Variants in IQGAP1 observed in about 807,000 individuals in gnomAD.
The protein encoded by IQGAP1 is ras GTPase-activating-like protein IQGAP1.
In IQGAP1, 66 loss-of-function variants were observed where a neutral mutation model predicts 215.6. The observed-to-expected ratio is 0.31, with a 90% CI of 0.25 to 0.38. The LOEUF (loss-of-function observed/expected upper bound fraction) is 0.38, where lower values mean the gene tolerates loss of function less well. Among genes scored for constraint, IQGAP1 ranks in the 10% least tolerant of loss-of-function variants. The pLI, the probability that IQGAP1 is intolerant of heterozygous loss-of-function variation, is 1.00. For synonymous variants in IQGAP1, 772 were observed against 728.7 expected (o/e 1.06, Z -0.96); for missense variants, 1,712 against 1,997.1 (o/e 0.86, Z 2.72).
intron 33 of IQGAP1, among the ~76,000 whole-genome samples, chr15:90,490,155 A>C (rs1966183300): frequency 6.6e-6 from 1 of 152,246 alleles, no homozygotes; most frequent in South Asian, 2.1e-4. Flanking sequence ...TCCCAGTACA[A>C]ACAGCTCAGA....
At chr15:90,412,602 C>G (rs1271374206) in intron 2 of IQGAP1, among the ~76,000 whole-genome samples, 1 of 152,116 alleles carries the variant, frequency 6.6e-6, no homozygotes, top group Non-Finnish European at 1.5e-5. Flanking sequence ...GTGAAGAATG[C>G]TTTATGGAAT....
At chr15:90,481,721 T>A (rs1370798348) in intron 26 of IQGAP1, among the ~76,000 whole-genome samples, 1 of 152,170 alleles carries the variant, frequency 6.6e-6, no homozygotes, top group East Asian at 1.9e-4. Flanking sequence ...AGGTGTCATG[T>A]CTTGTATAAC....
Position 90,484,444 on chromosome 15 carries a change from T to C in IQGAP1, c.3921+92T>C, listed in dbSNP as rs1186303038. 14 of 976,752 alleles carry C rather than the reference T, an allele frequency of 1.4e-5. No homozygotes were observed. In the East Asian group the frequency reaches 3.5e-4, roughly 25 times the overall value. 60.5% of individuals were successfully genotyped at this position (976,752 alleles called of 1,614,324 possible). ...ATCTCTGGTAGCCAGGTGTCTAACC[T>C]TCCTGTAATCTAACTGACAATGCAT... On this transcript the variant is annotated intron_variant, in intron 30 of 37. Transcript: ENST00000268182.
intron 18 of IQGAP1, among the ~76,000 whole-genome samples, chr15:90,471,231 G>T (rs572513540): frequency 2.0e-4 from 31 of 152,078 alleles, no homozygotes; most frequent in Admixed American, 3.9e-4. Context: ...GGAAAATGTG[G>T]CTTCATGGTA....
chr15:90,480,974 T>A (rs1419331644), intron 26 of IQGAP1, among the ~76,000 whole-genome samples: 1 of 152,154 alleles, frequency 6.6e-6, no homozygotes, highest in African/African-American at 2.4e-5. Flanking sequence ...GGCCTCTACT[T>A]GTATTTTCTA....
At chr15:90,402,895 A>G (rs1273504061) in intron 2 of IQGAP1, among the ~76,000 whole-genome samples, 3 of 152,232 alleles carry the variant, frequency 2.0e-5, no homozygotes, top group Non-Finnish European at 4.4e-5. Flanking sequence ...ATTTTACTGT[A>G]AGTAACATAC....
At chr15:90,458,544 A>C (rs1019543388) in intron 15 of IQGAP1, among the ~76,000 whole-genome samples, 1 of 152,216 alleles carries the variant, frequency 6.6e-6, no homozygotes, top group South Asian at 2.1e-4. Flanking sequence ...CATACATAGA[A>C]TCATTGCAGC....
intron 34 of IQGAP1, 67 bp downstream of exon 34, chr15:90,491,612 C>T: frequency 3.1e-6 from 4 of 1,279,892 alleles, no homozygotes; most frequent in Non-Finnish European, 3.4e-6. Flanking sequence ...GAGACAGTAG[C>T]TGTTCACATA....
chr15:90,494,674 T>A, intron 35 of IQGAP1, 39 bp from the exon 36 acceptor site: 1 of 1,559,196 alleles, frequency 6.4e-7, no homozygotes, highest in Non-Finnish European at 8.7e-7. Flanking sequence ...TCAGAGTAGA[T>A]GGTTACTTAT....
chr15:90,473,216 G>T (rs1965930120), intron 19 of IQGAP1: 9 of 550,646 alleles, frequency 1.6e-5, no homozygotes, highest in Non-Finnish European at 2.9e-5. Flanking sequence ...GGCAGTTCTT[G>T]GGTACCTCTT....
At position 90,448,646 on chromosome 15, in the gene IQGAP1, G is replaced by A. The variant is rs764847520; in HGVS notation, c.987G>A (p.Gln329=). 1.2e-6 allele frequency: 2 copies of A among 1,612,398 alleles called. No individual in the cohort carries two copies. Among genetic ancestry groups the A allele is most frequent in the Admixed American group, 1.7e-5 (1 of 59,724 alleles). ...CACTGGCCTTGTTCAGGGCTCTGCA[G>A]TCACCAGCCCTGGGGCTTCGAGGAC... ...GDALALFRAL[Q]SPALGLRGLQ... Residue 329 remains glutamine, a synonymous_variant, in exon 10 of 38, where the codon CAG becomes CAA. Coordinates refer to ENST00000268182, the MANE Select transcript of IQGAP1 (RefSeq NM_003870.4).
rs1964625871 is a variant in IQGAP1 at position 90,390,880 on chromosome 15, A to G, written c.155+7A>G. The G allele has an allele frequency of 6.5e-7, 1 of 1,540,768 alleles. No homozygotes were observed. The highest frequency in any genetic ancestry group is 1.7e-5 in the Admixed American group (1 of 59,906). On this transcript the variant is annotated splice_region_variant and intron_variant, in intron 2 of 37. Transcript: ENST00000268182. ...ATTTGGAAGAAGCGAAGAGGTAAAG[A>G]TTGGCTGGCTGGAGAGAAGATTAAG...
chr15:90,494,728 T>A lies in IQGAP1; in HGVS notation c.4644T>A (p.Pro1548=). ...ATTTTTACAGAGTCTCCAAAAAGCC[T>A]AGGGAAATGAAAGGAAAGAAAAGCA... The part of the protein sequence containing the change: ...LASKGKVSKK[P]REMKGKKSKK... The change falls in exon 36 of 38, where the codon CCT becomes CCA. Residue 1548 remains proline (P), a synonymous_variant. Coordinates refer to ENST00000268182, the MANE Select transcript of IQGAP1 (RefSeq NM_003870.4). 6.2e-7 allele frequency: 1 copy of A among 1,609,526 alleles called. No homozygotes were observed. Among genetic ancestry groups the A allele is most frequent in the Non-Finnish European group, 8.5e-7 (1 of 1,177,626 alleles).
At chr15:90,489,116 C>T (rs1392271826) in intron 33 of IQGAP1, among the ~76,000 whole-genome samples, 4 of 140,004 alleles carry the variant, frequency 2.9e-5, no homozygotes, top group Non-Finnish European at 4.5e-5. Flanking sequence ...ATATCTAAGA[C>T]CCTTGTTTCT....
chr15:90,486,978 A>T lies in IQGAP1; in HGVS notation c.4049A>T (p.Asp1350Val). 4 of 1,614,086 alleles carry T rather than the reference A, an allele frequency of 2.5e-6. No individual in the cohort carries two copies. The highest frequency in any genetic ancestry group is 3.4e-6 in the Non-Finnish European group (4 of 1,180,000). The change falls in exon 32 of 38, where the codon GAC becomes GTC. Residue 1350 changes from aspartate (D) to valine (V), a missense_variant. Around this residue, in one of 2 missense-constraint regions of IQGAP1, gnomAD observed 691 missense variants for 923.0 expected, o/e 0.75. Transcript: ENST00000268182. ...GGGGAAAGCTCTGGCAATTTAAATG[A>T]CCCAAATAAGGAGGCACTGGCTAAG... ...LIGESSGNLN[D>V]PNKEALAKTE...
At chr15:90,388,489 C>T in intron 1 of IQGAP1, 93 bp downstream of exon 1, 1 of 1,044,230 alleles carries the variant, frequency 9.6e-7, no homozygotes, top group South Asian at 1.8e-5. Context: ...GCGGGTGGGG[C>T]AGGGCGGCTG....
intron 9 of IQGAP1, 71 bp from the exon 10 acceptor site, chr15:90,448,502 G>T: frequency 7.3e-7 from 1 of 1,361,156 alleles, no homozygotes; most frequent in Non-Finnish European, 9.8e-7. Context: ...GATTGGTTTT[G>T]GGGAAGGAAA....
chr15:90,390,994 G>GATT, intron 2 of IQGAP1, 121 bp downstream of exon 2: 1 of 666,600 alleles, frequency 1.5e-6, no homozygotes, highest in Non-Finnish European at 2.7e-6. Flanking sequence ...AACACGTTGG[G>GATT]AGGCCGAGGT....
Position 90,472,992 on chromosome 15 carries a change from T to C in IQGAP1, c.2331T>C (p.Pro777=). 6.2e-7 allele frequency: 1 copy of C among 1,614,046 alleles called. No individual in the cohort carries two copies. Among genetic ancestry groups the C allele is most frequent in the Non-Finnish European group, 8.5e-7 (1 of 1,179,950 alleles). ...TGAATTTCCTGAAGAAACAAATCCC[T>C]GCCATCACCTGCATTCAGGTATTTC... ...SRMNFLKKQI[P]AITCIQSQWR... is the part of the protein sequence containing the mutation. The change falls in exon 19 of 38, where the codon CCT becomes CCC. Residue 777 remains proline (P), a synonymous_variant. Coordinates refer to ENST00000268182, the MANE Select transcript of IQGAP1 (RefSeq NM_003870.4).
Sources: allele counts gnomAD v4.1 joint callset (sites outside exome capture counted in the v4.1 genomes callset), GRCh38; gene constraint gnomAD v4.1.1; regional missense constraint gnomAD v4.1.1; transcripts MANE v1.5; gene names NCBI Gene and HGNC (gene_info 2026-07-23, HGNC 2026-07-21).